The following MYO5C variants were observed in gnomAD, a reference collection of about 807,000 sequenced individuals.
MYO5C encodes the protein myosin VC.
MYO5C carries 194 observed loss-of-function variants against 235.7 expected under a neutral mutation model. The observed-to-expected ratio is 0.82, with a 90% CI of 0.73 to 0.93. The LOEUF is 0.93. MYO5C is among the 40% of genes least tolerant of loss of function. The pLI is 0.00. For missense variants in MYO5C, 2,038 were observed against 2,127.2 expected (o/e 0.96, Z 0.82); for synonymous variants, 707 against 754.8 (o/e 0.94, Z 1.04).
rs1164247826 is a variant in MYO5C, at chr15:52,253,188, C to T, written c.1536+129G>A. ...GTCCCTGCTGTGGATGCTGTCCCAGCATTAATATCCATCCAACCAACTGGA... is the reference window on the plus strand; with the variant it reads ...GTCCCTGCTGTGGATGCTGTCCCAGTATTAATATCCATCCAACCAACTGGA... On this transcript the variant is annotated intron_variant, in intron 12 of 40. Transcript: ENST00000261839. The T allele has an allele frequency of 3.4e-5, 33 of 960,560 alleles. 1 individual carries two copies. In the East Asian group the frequency reaches 7.5e-4, roughly 22 times the overall value. The allele number at this position is 960,560 out of a possible 1,614,324, so 59.5% of individuals were successfully genotyped here. A position where few individuals can be genotyped will look rare whatever the true frequency, so the allele number is the denominator to read the frequency against.
rs2036293337 is a variant in MYO5C, at chr15:52,244,383, T to C, written c.2363A>G (p.Gln788Arg). 6 of 1,613,686 alleles carry C rather than the reference T, an allele frequency of 3.7e-6. No homozygotes were observed. The African/African-American group carries it at 5.3e-5, about 14-fold the overall frequency. Residue 788 changes from glutamine (Q) to arginine (R), a missense_variant, in exon 19 of 41, where the codon CAG becomes CGG. Physicochemically the swap from Gln to Arg is conservative, Grantham distance 43. Coordinates refer to ENST00000261839, the MANE Select transcript of MYO5C (RefSeq NM_018728.4). ...RERRAALIIQ[Q>R]YFRGQQTVRK... Reference sequence around the variant, plus strand: ...CACAGTTTGCTGACCCCGGAAGTACTGCTGGATTATCAGGGCGGCTCGTCT... The same window carrying C: ...CACAGTTTGCTGACCCCGGAAGTACCGCTGGATTATCAGGGCGGCTCGTCT...
intron 11 of MYO5C, among the ~76,000 whole-genome samples, chr15:52,254,569 C>T (rs1032114146): frequency 6.6e-6 from 1 of 151,926 alleles, no homozygotes; most frequent in Non-Finnish European, 1.5e-5. Flanking sequence ...CTACCCAAAG[C>T]TTTCTGTGCT....
At position 52,210,723 on chromosome 15, in the gene MYO5C, T is replaced by TA. The variant is rs573136900; in HGVS notation, c.4296+1006dup. ...CTGTAAGCAAGGATCCAGGTCTGCT[T>TA]AAAAAAATCTTCAATGCTTAGATAC... is the stretch of plus-strand genomic sequence containing the variant. On this transcript the variant is annotated intron_variant, in intron 35 of 40. Transcript: ENST00000261839. Among the ~76,000 whole-genome samples, 7 of 152,294 alleles carry TA rather than the reference T, an allele frequency of 4.6e-5. No individual in the cohort carries two copies. The East Asian group carries it at 1.3e-3, about 29-fold the overall frequency.
In MYO5C at chr15:52,259,702, C is replaced by T. The variant is rs140209774; in HGVS notation, c.1313+1160G>A. Among the ~76,000 whole-genome samples the T allele has an allele frequency of 2.3e-3, 355 of 152,344 alleles. 1 individual carries two copies. Among genetic ancestry groups the T allele is most frequent in the African/African-American group, 8.2e-3 (339 of 41,584 alleles). On this transcript the variant is annotated intron_variant, in intron 10 of 40. Coordinates refer to ENST00000261839, the MANE Select transcript of MYO5C (RefSeq NM_018728.4). ...ATTAAGCATTTTATAACTGTTGACA[C>T]GTACTATTAATTGGGAGCCATATGT...
chr15:52,247,789 G>C (rs911708644), intron 14 of MYO5C, among the ~76,000 whole-genome samples, 197 bp from the exon 15 acceptor site: 1 of 152,152 alleles, frequency 6.6e-6, no homozygotes, highest in Non-Finnish European at 1.5e-5. Flanking sequence ...TTCCCGAGAA[G>C]GGGAACAGAG....
chr15:52,233,311 A>AAAT (rs2036009676), intron 23 of MYO5C, among the ~76,000 whole-genome samples: 1 of 12,720 alleles, frequency 7.9e-5, no homozygotes, highest in African/African-American at 1.2e-4. Flanking sequence ...AAAAAAAAAA[A>AAAT]AAATAAATAA....
At chr15:52,240,540 C>CAAAA (rs35556321) in intron 20 of MYO5C, among the ~76,000 whole-genome samples, 4 of 101,444 alleles carry the variant, frequency 3.9e-5, no homozygotes, top group African/African-American at 4.6e-5. Context: ...TCATTCTCTA[C>CAAAA]AAAAAAAGAA....
chr15:52,248,879 A>T (rs2036410702), intron 13 of MYO5C, 96 bp from the exon 14 acceptor site: 2 of 866,074 alleles, frequency 2.3e-6, no homozygotes, highest in Non-Finnish European at 3.6e-6. Context: ...ATTAATAAAA[A>T]AGGCTACAGA....
At chr15:52,286,695 T>A (rs2037282019) in intron 1 of MYO5C, among the ~76,000 whole-genome samples, 10 of 151,954 alleles carry the variant, frequency 6.6e-5, no homozygotes, top group Admixed American at 6.6e-4. Flanking sequence ...GTTAAATGGA[T>A]TAAGGGCGGT....
chr15:52,245,132 C>A (rs535114464), intron 18 of MYO5C, among the ~76,000 whole-genome samples: 1 of 152,358 alleles, frequency 6.6e-6, no homozygotes, highest in South Asian at 2.1e-4. Flanking sequence ...TACGAGGACA[C>A]TGGGGAGGCC....
intron 10 of MYO5C, among the ~76,000 whole-genome samples, chr15:52,260,117 C>A (rs776608163): frequency 3.9e-5 from 6 of 152,232 alleles, no homozygotes; most frequent in Admixed American, 6.5e-5. Context: ...GCCCTCCATG[C>A]CAGCTTCCAC....
chr15:52,198,517 G>A (rs2141257154), intron 38 of MYO5C, among the ~76,000 whole-genome samples: 1 of 152,114 alleles, frequency 6.6e-6, no homozygotes, highest in African/African-American at 2.4e-5. Context: ...TGCTACTTTT[G>A]TCCCACTAGT....
intron 1 of MYO5C, among the ~76,000 whole-genome samples, chr15:52,289,876 C>T (rs1566997286): frequency 6.6e-6 from 1 of 152,226 alleles, no homozygotes; most frequent in Non-Finnish European, 1.5e-5. Flanking sequence ...CCTGTGGCCA[C>T]CCAAAACCAC....
intron 20 of MYO5C, among the ~76,000 whole-genome samples, chr15:52,241,567 G>A (rs2036223043): frequency 6.6e-6 from 1 of 152,078 alleles, no homozygotes; most frequent in African/African-American, 2.4e-5. Flanking sequence ...CCAGTGTGCT[G>A]ATCTTTTAAA....
At chr15:52,295,181 C>T (rs2037473162) in intron 1 of MYO5C, among the ~76,000 whole-genome samples, 1 of 152,200 alleles carries the variant, frequency 6.6e-6, no homozygotes, top group Admixed American at 6.5e-5. Flanking sequence ...CCTACGTCCG[C>T]ATGGGCAACT....
Position 52,244,399 on chromosome 15 carries a change from C to T in MYO5C, c.2347G>A (p.Ala783Thr), listed in dbSNP as rs55712142. 0.015 allele frequency: 23,846 copies of T among 1,613,834 alleles called. 383 individuals carry two copies. The highest frequency in any genetic ancestry group is 0.087 in the East Asian group (3,889 of 44,864). The change falls in exon 19 of 41, where the codon GCC becomes ACC. Residue 783 changes from alanine to threonine, a missense_variant. Coordinates refer to ENST00000261839, the MANE Select transcript of MYO5C (RefSeq NM_018728.4). Reference protein sequence around the residue: ...RKKFLRERRAALIIQQYFRGQ... With the variant: ...RKKFLRERRATLIIQQYFRGQ... ...CGGAAGTACTGCTGGATTATCAGGG[C>T]GGCTCGTCTCTCTCGGAGGAATTTT... is the stretch of plus-strand genomic sequence containing the variant.
intron 35 of MYO5C, among the ~76,000 whole-genome samples, chr15:52,210,130 A>G (rs1441100170): frequency 6.6e-6 from 1 of 151,804 alleles, no homozygotes. Context: ...CACCTGGCCA[A>G]TTTTTGTCTT....
At chr15:52,230,407 G>T (rs1338666153) in intron 24 of MYO5C, among the ~76,000 whole-genome samples, 3 of 151,410 alleles carry the variant, frequency 2.0e-5, no homozygotes, top group African/African-American at 7.3e-5. Flanking sequence ...CTTTTTTATA[G>T]ATTTTTTTTT....
At chr15:52,207,002 G>A (rs1248940612) in intron 36 of MYO5C, among the ~76,000 whole-genome samples, 5 of 152,004 alleles carry the variant, frequency 3.3e-5, no homozygotes, top group African/African-American at 7.2e-5. Context: ...GCATGGTGGC[G>A]CATGCCTGTA....
Sources: gnomAD v4.1 joint callset for allele counts (sites outside exome capture counted in the v4.1 genomes callset) on GRCh38, gnomAD v4.1.1 for gene constraint, MANE v1.5 for transcripts, NCBI Gene and HGNC (gene_info 2026-07-23, HGNC 2026-07-21) for gene names.